CLPB: variants seen among roughly 807,000 people sequenced by gnomAD.
CLPB encodes mitochondrial disaggregase.
CLPB carries 40 observed loss-of-function variants against 78.4 expected under a neutral mutation model. The observed-to-expected ratio is 0.51, with a 90% confidence interval of 0.40 to 0.66. The LOEUF (loss-of-function observed/expected upper bound fraction) is 0.66. Among genes scored for constraint, CLPB ranks in the 30% least tolerant of loss-of-function variants. CLPB has a pLI of 0.00. For missense variants in CLPB, 780 were observed against 886.9 expected, an observed-to-expected ratio of 0.88 and a Z score of 1.53; for synonymous variants, 333 against 348.0, an observed-to-expected ratio of 0.96 and a Z score of 0.48.
At chr11:72,404,064 G>C (rs1025304756) in intron 2 of CLPB, among the ~76,000 whole-genome samples, 3 of 152,194 alleles carry the variant, frequency 2.0e-5, no homozygotes, top group African/African-American at 7.2e-5. Context: ...GGGCAGTGCA[G>C]TGACTGGTTG....
chr11:72,336,219 T>A (rs1216741980), intron 5 of CLPB, among the ~76,000 whole-genome samples: 1 of 152,114 alleles, frequency 6.6e-6, no homozygotes, highest in East Asian at 1.9e-4. Context: ...AGATAATGTG[T>A]ATAAGAGGGC....
At chr11:72,383,975 CA>C (rs1854999035) in intron 3 of CLPB, among the ~76,000 whole-genome samples, 1 of 152,034 alleles carries the variant, frequency 6.6e-6, no homozygotes, top group Admixed American at 6.6e-5. Context: ...CCATCTCTAC[CA>C]AAAACAGACA....
chr11:72,393,165 C>T (rs931652930), intron 3 of CLPB, among the ~76,000 whole-genome samples: 2 of 152,124 alleles, frequency 1.3e-5, no homozygotes, highest in South Asian at 2.1e-4. Context: ...ACATCCTCAG[C>T]GTAGTTCTAA....
At chr11:72,308,448 G>A (rs1050702003) in intron 8 of CLPB, 79 bp downstream of exon 8, 17 of 1,292,450 alleles carry the variant, frequency 1.3e-5, no homozygotes, top group East Asian at 7.0e-5. Context: ...ACCCTGGCCC[G>A]CAGCAGCTGG....
chr11:72,327,411 T>C (rs989380780), intron 6 of CLPB, among the ~76,000 whole-genome samples: 5 of 152,220 alleles, frequency 3.3e-5, no homozygotes, highest in African/African-American at 4.8e-5. Context: ...TTGCCCTCCA[T>C]GCTCCAGAAG....
At chr11:72,294,759 C>T in intron 12 of CLPB, 66 bp from the exon 13 acceptor site, 2 of 1,315,928 alleles carry the variant, frequency 1.5e-6, no homozygotes, top group Non-Finnish European at 2.2e-6. Flanking sequence ...TGTGCCTGCC[C>T]CTTGGCCTGC....
intron 1 of CLPB, among the ~76,000 whole-genome samples, chr11:72,433,117 C>T (rs1199350655): frequency 6.6e-6 from 1 of 152,142 alleles, no homozygotes; most frequent in Non-Finnish European, 1.5e-5. Context: ...CCTTCTCCTG[C>T]CAACTATCCC....
intron 7 of CLPB, 109 bp from the exon 8 acceptor site, chr11:72,308,713 G>T: frequency 2.0e-6 from 2 of 1,001,566 alleles, no homozygotes; most frequent in East Asian, 2.5e-5. Flanking sequence ...ACTGCTCTGC[G>T]CCCACTCAAA....
At chr11:72,402,065 C>A (rs765279109) in intron 3 of CLPB, among the ~76,000 whole-genome samples, 18 of 151,988 alleles carry the variant, frequency 1.2e-4, no homozygotes, top group Non-Finnish European at 2.5e-4. Flanking sequence ...TCAAGACCAA[C>A]CTGGATAGCA....
intron 5 of CLPB, among the ~76,000 whole-genome samples, chr11:72,343,670 G>C (rs1437388413): frequency 6.6e-6 from 1 of 152,186 alleles, no homozygotes; most frequent in Non-Finnish European, 1.5e-5. Context: ...CTTTGACCCA[G>C]AGCTCCTTGC....
chr11:72,352,740 G>A (rs1950636737), intron 5 of CLPB: 1 of 152,234 alleles, frequency 6.6e-6, no homozygotes, highest in Non-Finnish European at 1.5e-5. Context: ...CAAAAATCAT[G>A]TCTGGATCAT....
chr11:72,349,039 T>C (rs1353463876), intron 5 of CLPB, among the ~76,000 whole-genome samples: 2 of 152,236 alleles, frequency 1.3e-5, no homozygotes, highest in South Asian at 2.1e-4. Flanking sequence ...ATAGGGATGA[T>C]GGTGGTTAGT....
chr11:72,355,993 C>A (rs748028955), intron 5 of CLPB, among the ~76,000 whole-genome samples: 1 of 152,052 alleles, frequency 6.6e-6, no homozygotes, highest in Non-Finnish European at 1.5e-5. Flanking sequence ...CTAAGAAAAC[C>A]GGATGGGGCT....
rs150965964 is a variant in CLPB at position 72,347,848 on chromosome 11, A to G, written c.775+11032T>C. On this transcript the variant is annotated intron_variant, in intron 5 of 15. Transcript: ENST00000538039. The stretch of plus-strand genomic sequence containing the variant: ...CAATATAATCACAAAGGTTTCTAGA[A>G]GTAAAAGAGGAAGGTAGAAGAGCCA... 2.4e-3 allele frequency among the ~76,000 whole-genome samples: 364 copies of G among 152,320 alleles called. 5 individuals are homozygous for G. Among genetic ancestry groups the G allele is most frequent in the Admixed American group, 0.021 (323 of 15,296 alleles).
intron 12 of CLPB, 57 bp from the exon 13 acceptor site, chr11:72,294,750 G>T: frequency 1.4e-6 from 2 of 1,445,000 alleles, no homozygotes; most frequent in Non-Finnish European, 1.9e-6. Context: ...TTTGGGGGCT[G>T]TGCCTGCCCC....
chr11:72,341,248 A>G (rs1270179860), intron 5 of CLPB, among the ~76,000 whole-genome samples: 3 of 152,078 alleles, frequency 2.0e-5, no homozygotes, highest in Non-Finnish European at 4.4e-5. Flanking sequence ...AGGGTGTTGA[A>G]CAGGGAGCCG....
At chr11:72,393,572 A>C (rs1855315519) in intron 3 of CLPB, among the ~76,000 whole-genome samples, 1 of 152,184 alleles carries the variant, frequency 6.6e-6, no homozygotes, top group African/African-American at 2.4e-5. Context: ...CCTATTCTTC[A>C]CTACCATAGT....
chr11:72,409,072 G>A (rs1375623158), intron 2 of CLPB, among the ~76,000 whole-genome samples: 2 of 152,224 alleles, frequency 1.3e-5, no homozygotes, highest in Non-Finnish European at 2.9e-5. Context: ...CTGAGATGAT[G>A]AGTAGAATGC....
intron 11 of CLPB, among the ~76,000 whole-genome samples, chr11:72,296,997 T>C (rs1949562818): frequency 6.6e-6 from 1 of 152,164 alleles, no homozygotes; most frequent in Non-Finnish European, 1.5e-5. Flanking sequence ...GTCAGACCAA[T>C]GGTGCTGGAT....
Sources: gnomAD v4.1 joint callset for allele counts (sites outside exome capture counted in the v4.1 genomes callset) on GRCh38, gnomAD v4.1.1 for gene constraint, MANE v1.5 for transcripts, NCBI Gene and HGNC (gene_info 2026-07-23, HGNC 2026-07-21) for gene names.